The following GNB1L variants were observed in gnomAD, a reference collection of about 807,000 sequenced individuals.
GNB1L encodes G protein subunit beta 1 like, also known as guanine nucleotide-binding protein subunit beta-like protein 1.
GNB1L carries 20 observed loss-of-function variants against 29.1 expected under a neutral mutation model. The observed-to-expected ratio is 0.69, with a 90% confidence interval of 0.48 to 1.00. GNB1L has a LOEUF of 1.00. GNB1L is among the 50% of genes least tolerant of loss of function. The pLI is 0.00. For missense variants in GNB1L, 421 were observed against 464.9 expected (o/e 0.91, Z 0.87); for synonymous variants, 193 against 206.5 (o/e 0.93, Z 0.56).
At chr22:19,827,746 G>A (rs746316988) in intron 2 of GNB1L, among the ~76,000 whole-genome samples, 21 of 152,142 alleles carry the variant, frequency 1.4e-4, no homozygotes, top group Non-Finnish European at 2.6e-4. Context: ...TAGAAGGAGC[G>A]CACACGGAAA....
rs190992568 is a variant in GNB1L, at chr22:19,824,258, C to T, written c.-20-2883G>A. Among the ~76,000 whole-genome samples the T allele has an allele frequency of 2.3e-3, 349 of 152,360 alleles. 1 individual carries two copies. Among genetic ancestry groups the T allele is most frequent in the Admixed American group, 4.6e-3 (71 of 15,310 alleles). On this transcript the variant is annotated intron_variant, in intron 2 of 7. Coordinates refer to ENST00000329517, the MANE Select transcript of GNB1L (RefSeq NM_053004.3). Reference sequence around the variant, plus strand: ...TATCCTAGGATTGCTTGATTTATGACATCTAATTATTCTTTATTAATCTAA... The same window carrying T: ...TATCCTAGGATTGCTTGATTTATGATATCTAATTATTCTTTATTAATCTAA...
chr22:19,817,478 T>A (rs946399830), intron 4 of GNB1L, among the ~76,000 whole-genome samples: 4 of 150,564 alleles, frequency 2.7e-5, no homozygotes, highest in African/African-American at 9.8e-5. Flanking sequence ...AGACTTTGTC[T>A]CAAAAAAAGA....
Position 19,849,371 on chromosome 22 carries a change from TG to T in GNB1L, c.-21+5071del, listed in dbSNP as rs1217593828. On this transcript the variant is annotated intron_variant, in intron 2 of 7. Coordinates refer to ENST00000329517, the MANE Select transcript of GNB1L (RefSeq NM_053004.3). ...TCTAAATAAGGTTTTTGTTTTTTGT[TG>T]TTTTTTTTTTTTTGGGATGGAGTTT... 7.7e-4 allele frequency: 677 copies of T among 878,792 alleles called. 1 individual carries two copies. Among genetic ancestry groups the T allele is most frequent in the Non-Finnish European group, 8.7e-4 (640 of 738,574 alleles). 54.4% of individuals were successfully genotyped at this position (878,792 alleles called of 1,614,324 possible).
intron 2 of GNB1L, among the ~76,000 whole-genome samples, chr22:19,838,173 C>T (rs1045704311): frequency 2.0e-5 from 3 of 152,212 alleles, no homozygotes; most frequent in Admixed American, 1.3e-4. Flanking sequence ...AGCAACTAAA[C>T]AATCCAATTA....
chr22:19,802,828 A>G (rs867227003), intron 6 of GNB1L, among the ~76,000 whole-genome samples: 13 of 152,238 alleles, frequency 8.5e-5, no homozygotes, highest in African/African-American at 2.9e-4. Flanking sequence ...CTTGTGATGA[A>G]TGAGGGCGCG....
At chr22:19,851,729 ACTTC>A (rs1411329035) in intron 2 of GNB1L, 2 of 1,605,960 alleles carry the variant, frequency 1.2e-6, no homozygotes, top group African/African-American at 2.7e-5. Flanking sequence ...GTCTTGAACA[ACTTC>A]CTTGAGATCC....
chr22:19,852,259 C>G, intron 2 of GNB1L: 1 of 1,601,066 alleles, frequency 6.2e-7, no homozygotes, highest in Non-Finnish European at 8.5e-7. Flanking sequence ...GGCCACGAGG[C>G]ATGCTGGGAG....
rs1231905976 is a variant in GNB1L at position 19,816,541 on chromosome 22, C to T, written c.254+4057G>A. 6.6e-6 allele frequency among the ~76,000 whole-genome samples: 1 copy of T among 152,106 alleles called. No homozygotes were observed. Among genetic ancestry groups the T allele is most frequent in the African/African-American group, 2.4e-5 (1 of 41,414 alleles). The stretch of plus-strand genomic sequence containing the variant: ...CCACCTGCTCACTGCCAGAGTGTGC[C>T]CCAGCCACCAGGCCCCTCCGCACAC... On this transcript the variant is annotated intron_variant, in intron 4 of 7. Transcript: ENST00000329517. The surrounding 1 kb of genome is among the most constrained non-coding windows in gnomAD (Gnocchi z 4.4).
chr22:19,840,423 A>G (rs1937839377), intron 2 of GNB1L, among the ~76,000 whole-genome samples: 1 of 152,194 alleles, frequency 6.6e-6, no homozygotes, highest in East Asian at 1.9e-4. Flanking sequence ...TTTACAGCAG[A>G]AACACCTGAC....
intron 2 of GNB1L, chr22:19,849,319 T>C: frequency 1.0e-6 from 1 of 974,624 alleles, no homozygotes; most frequent in Middle Eastern, 5.3e-4. Context: ...ATAGTTACCA[T>C]AAAATAATCC....
At chr22:19,811,449 C>A (rs1472483852) in intron 5 of GNB1L, among the ~76,000 whole-genome samples, 1 of 152,118 alleles carries the variant, frequency 6.6e-6, no homozygotes, top group Non-Finnish European at 1.5e-5. Flanking sequence ...GGGACAGTCG[C>A]CACTCAAAGG....
chr22:19,792,740 C>G, intron 7 of GNB1L: 1 of 1,504,554 alleles, frequency 6.6e-7, no homozygotes. Flanking sequence ...TGGTGGAGAA[C>G]AAGAAAGCTC....
chr22:19,819,254 G>T (rs749839021), intron 4 of GNB1L, among the ~76,000 whole-genome samples: 19 of 152,240 alleles, frequency 1.2e-4, no homozygotes, highest in Non-Finnish European at 2.2e-4. Context: ...CCCAGCAGCT[G>T]CACCAGCGTG....
At chr22:19,790,186 G>A (rs1224057997) in intron 7 of GNB1L, among the ~76,000 whole-genome samples, 2 of 152,196 alleles carry the variant, frequency 1.3e-5, no homozygotes, top group African/African-American at 2.4e-5. Context: ...GAGAACTGCA[G>A]CAAATGGTCT....
intron 7 of GNB1L, chr22:19,792,556 A>C: frequency 6.4e-7 from 1 of 1,572,650 alleles, no homozygotes; most frequent in East Asian, 2.2e-5. Context: ...TAGGCCCTGG[A>C]CTGCCAAACA....
intron 7 of GNB1L, among the ~76,000 whole-genome samples, chr22:19,800,693 C>A (rs948751556): frequency 6.6e-6 from 1 of 152,230 alleles, no homozygotes; most frequent in Non-Finnish European, 1.5e-5. Context: ...GTGCCCCCAT[C>A]CCCAGGACAG....
chr22:19,835,385 A>AC (rs896291858), intron 2 of GNB1L, among the ~76,000 whole-genome samples: 27 of 149,632 alleles, frequency 1.8e-4, no homozygotes, highest in Admixed American at 2.6e-4. Context: ...AAAAAAAAAA[A>AC]AAACAAACAA....
At chr22:19,793,932 A>C (rs951454972) in intron 7 of GNB1L, among the ~76,000 whole-genome samples, 5 of 152,228 alleles carry the variant, frequency 3.3e-5, no homozygotes, top group African/African-American at 1.2e-4. Flanking sequence ...CAGAAATGGC[A>C]AAGGGGTGAG....
At chr22:19,802,271 T>C in intron 6 of GNB1L, 55 bp from the exon 7 acceptor site, 1 of 1,446,846 alleles carries the variant, frequency 6.9e-7, no homozygotes, top group Non-Finnish European at 9.6e-7. Flanking sequence ...TCCAGTGAGT[T>C]TCGGGGGAGA....
Sources: gnomAD v4.1 joint callset for allele counts (sites outside exome capture counted in the v4.1 genomes callset) on GRCh38, gnomAD v4.1.1 for gene constraint, Gnocchi (gnomAD v3.1) non-coding constraint, MANE v1.5 for transcripts, NCBI Gene and HGNC (gene_info 2026-07-23, HGNC 2026-07-21) for gene names.